Variants in ZNF215 observed in about 807,000 individuals in gnomAD.
The protein encoded by ZNF215 is BWSCR2-associated zinc finger protein 2.
ZNF215 carries 24 observed loss-of-function variants against 27.2 expected under a neutral mutation model. The observed-to-expected ratio is 0.88, with a 90% CI of 0.64 to 1.24. ZNF215 has a LOEUF of 1.24. Ranked by LOEUF, ZNF215 falls within the 50% of genes most tolerant of loss-of-function variation. The pLI, the probability that ZNF215 is intolerant of heterozygous loss-of-function variation, is 0.00. For missense variants in ZNF215, 675 were observed against 605.7 expected (o/e 1.11, Z -1.20); for synonymous variants, 210 against 204.0 (o/e 1.03, Z -0.25).
intron 4 of ZNF215, among the ~76,000 whole-genome samples, chr11:6,942,849 G>C (rs1849677756): frequency 1.3e-5 from 2 of 152,068 alleles, no homozygotes; most frequent in African/African-American, 2.4e-5. Flanking sequence ...TTTAGAATAA[G>C]GACTGCACTT....
intron 3 of ZNF215, among the ~76,000 whole-genome samples, chr11:6,937,617 A>G (rs929301562): frequency 6.6e-6 from 1 of 151,452 alleles, no homozygotes; most frequent in Non-Finnish European, 1.5e-5. Context: ...ATACTTCTCA[A>G]TTTCAAAACT....
chr11:6,958,131 CAA>C (rs1404016965), downstream of ZNF215: 15 of 932,216 alleles, frequency 1.6e-5, no homozygotes, highest in African/African-American at 2.0e-4. Context: ...TTCGTATAAA[CAA>C]GAGATAACTT....
At chr11:6,961,425 A>G (rs1156406527), downstream of ZNF215, among the ~76,000 whole-genome samples, 2 of 152,086 alleles carry the variant, frequency 1.3e-5, no homozygotes, top group Admixed American at 6.6e-5. Flanking sequence ...CTTCAAGTGG[A>G]TAAGGAGTAC....
At chr11:6,979,427 TTCTC>T (rs1440869544) in intron 5 of ZNF215, among the ~76,000 whole-genome samples, 4 of 152,048 alleles carry the variant, frequency 2.6e-5, no homozygotes, top group African/African-American at 7.2e-5. Context: ...AAAGAAAAGT[TTCTC>T]TATATGGACA....
chr11:6,984,042 C>T (rs754840978), intron 5 of ZNF215: 1 of 356,680 alleles, frequency 2.8e-6, no homozygotes, highest in Non-Finnish European at 5.3e-6. Context: ...TTAACATACT[C>T]TCAAACGCTA....
At chr11:6,967,373 A>G (rs888196102) in intron 5 of ZNF215, among the ~76,000 whole-genome samples, 3 of 152,220 alleles carry the variant, frequency 2.0e-5, no homozygotes, top group African/African-American at 7.2e-5. Context: ...TCCTTGAGGA[A>G]TCTCCACACT....
chr11:6,956,145 C>T lies in ZNF215; in HGVS notation c.1168C>T (p.Arg390Ter), dbSNP rs368370827. The T allele has an allele frequency of 2.1e-4, 338 of 1,613,608 alleles. No homozygotes were observed. The highest frequency in any genetic ancestry group is 2.7e-4 in the Non-Finnish European group (322 of 1,179,976). Reference protein sequence around the residue: ...ECYQCGKAFCRSSSLIRHQII... With the variant: ...ECYQCGKAFC The stretch of plus-strand genomic sequence containing the variant: ...TTATCAATGTGGGAAAGCCTTCTGC[C>T]GAAGTTCATCCCTTATTCGACATCA... Residue 390 changes from arginine to a stop codon, truncating the protein, a stop_gained, in exon 7 of 7, where the codon CGA becomes TGA. Coordinates refer to ENST00000278319, the MANE Select transcript of ZNF215 (RefSeq NM_013250.4). LOFTEE classifies it low-confidence loss of function (END_TRUNC).
downstream of ZNF215, among the ~76,000 whole-genome samples, chr11:6,992,467 G>T (rs1185046349): frequency 2.6e-5 from 4 of 152,152 alleles, no homozygotes; most frequent in African/African-American, 9.7e-5. Flanking sequence ...AATATGACAG[G>T]ATATCAACTT....
At chr11:6,988,828 T>A (rs548978108), downstream of ZNF215, 3 of 152,276 alleles carry the variant, frequency 2.0e-5, no homozygotes, top group South Asian at 6.2e-4. Context: ...AATACCTTGA[T>A]AATTTTGAAC....
Position 6,952,866 on chromosome 11 carries a change from C to T in ZNF215, c.713-2824C>T, listed in dbSNP as rs371730160. ...ACAATTTGGCATGATTTTGCAGTGG[C>T]TGGTACCGGTTGTTCCTTTCCATGT... is the stretch of plus-strand genomic sequence containing the variant. On this transcript the variant is annotated intron_variant, in intron 6 of 6. Coordinates refer to ENST00000278319, the MANE Select transcript of ZNF215 (RefSeq NM_013250.4). 8.2e-4 allele frequency among the ~76,000 whole-genome samples: 125 copies of T among 151,546 alleles called. 1 individual carries two copies. The highest frequency in any genetic ancestry group is 2.6e-3 in the African/African-American group (107 of 41,440).
intron 5 of ZNF215, among the ~76,000 whole-genome samples, chr11:6,968,766 T>C (rs914214694): frequency 6.6e-6 from 1 of 151,896 alleles, no homozygotes; most frequent in Non-Finnish European, 1.5e-5. Flanking sequence ...CCAGGGAGGC[T>C]GAGGTGGGAG....
chr11:6,928,998 G>A (rs1849161598), intron 2 of ZNF215, among the ~76,000 whole-genome samples: 1 of 152,254 alleles, frequency 6.6e-6, no homozygotes, highest in Non-Finnish European at 1.5e-5. Flanking sequence ...AGTTTGGGGA[G>A]ATGTCAAGGA....
At chr11:6,993,597 TC>T (rs957420247), downstream of ZNF215, among the ~76,000 whole-genome samples, 2 of 152,210 alleles carry the variant, frequency 1.3e-5, no homozygotes, top group African/African-American at 4.8e-5. Context: ...TTTTCAGTGA[TC>T]ACATTTTTAT....
chr11:6,986,183 A>G (rs1323250947), downstream of ZNF215, among the ~76,000 whole-genome samples: 1 of 152,196 alleles, frequency 6.6e-6, no homozygotes, highest in African/African-American at 2.4e-5. Flanking sequence ...AAACAGACAC[A>G]TAGACCAATA....
chr11:6,953,443 C>CT (rs1429298175), intron 6 of ZNF215, among the ~76,000 whole-genome samples: 2 of 152,116 alleles, frequency 1.3e-5, no homozygotes, highest in African/African-American at 4.8e-5. Context: ...TCTTTTTATT[C>CT]TTTTTTCTCT....
intron 2 of ZNF215, among the ~76,000 whole-genome samples, chr11:6,931,546 C>T (rs532993126): frequency 2.4e-4 from 36 of 151,734 alleles, no homozygotes; most frequent in Non-Finnish European, 4.0e-4. Context: ...CATAGTAACT[C>T]CTAACAAATA....
At chr11:6,941,699 A>G in intron 4 of ZNF215, 46 bp downstream of exon 4, 7 of 1,589,096 alleles carry the variant, frequency 4.4e-6, no homozygotes, top group Non-Finnish European at 6.0e-6. Context: ...GCTCATTTTT[A>G]GTATTACCTG....
intron 2 of ZNF215, among the ~76,000 whole-genome samples, chr11:6,928,361 G>A (rs1849134413): frequency 6.6e-6 from 1 of 152,092 alleles, no homozygotes; most frequent in African/African-American, 2.4e-5. Context: ...TTGTATCACT[G>A]TTGACTTCAT....
downstream of ZNF215, among the ~76,000 whole-genome samples, chr11:6,993,533 C>G (rs748735137): frequency 1.3e-5 from 2 of 151,118 alleles, no homozygotes; most frequent in Non-Finnish European, 2.9e-5. Context: ...CCCCCTCTCA[C>G]TTACCCTTCC....
Sources: allele counts gnomAD v4.1 joint callset (sites outside exome capture counted in the v4.1 genomes callset), GRCh38; gene constraint gnomAD v4.1.1; transcripts MANE v1.5; gene names NCBI Gene and HGNC (gene_info 2026-07-23, HGNC 2026-07-21).